PHKB: variants seen among roughly 807,000 people sequenced by gnomAD.
PHKB encodes phosphorylase kinase regulatory subunit beta.
Under a neutral mutation model 152.1 loss-of-function variants are expected in PHKB, and 122 were observed. That is an observed-to-expected ratio of 0.80 (90% CI 0.69 to 0.93). PHKB has a LOEUF of 0.93. PHKB is among the 40% of genes least tolerant of loss of function. PHKB has a pLI of 0.00. For missense variants in PHKB, 1,304 were observed against 1,328.4 expected, an observed-to-expected ratio of 0.98 and a Z score of 0.29; for synonymous variants, 436 against 464.9, an observed-to-expected ratio of 0.94 and a Z score of 0.80.
chr16:47,492,262 C>T (rs994660375), intron 1 of PHKB, among the ~76,000 whole-genome samples: 26 of 152,146 alleles, frequency 1.7e-4, no homozygotes, highest in Non-Finnish European at 3.2e-4. Flanking sequence ...GGACAAAGTA[C>T]ACTAGATTGG....
At chr16:47,586,536 A>G (rs1971938327) in intron 8 of PHKB, among the ~76,000 whole-genome samples, 1 of 152,204 alleles carries the variant, frequency 6.6e-6, no homozygotes, top group Non-Finnish European at 1.5e-5. Context: ...AACATGGGCT[A>G]CTAGGAAAAA....
intron 14 of PHKB, among the ~76,000 whole-genome samples, chr16:47,614,771 G>A (rs1052281998): frequency 1.3e-5 from 2 of 152,180 alleles, no homozygotes; most frequent in African/African-American, 4.8e-5. Context: ...GATTAAAGAA[G>A]TTCATGGGAT....
intron 14 of PHKB, among the ~76,000 whole-genome samples, chr16:47,631,017 T>A (rs536930881): frequency 1.3e-5 from 2 of 152,252 alleles, no homozygotes; most frequent in South Asian, 4.2e-4. Flanking sequence ...GGACTCAGAC[T>A]GAAACTAAAC....
rs144335940 is a variant in PHKB, at chr16:47,516,837, A to T, written c.594+1236A>T. Among the ~76,000 whole-genome samples the T allele has an allele frequency of 3.2e-3, 484 of 152,270 alleles. 3 individuals are homozygous for T. Among genetic ancestry groups the T allele is most frequent in the African/African-American group, 0.011 (467 of 41,554 alleles). On this transcript the variant is annotated intron_variant, in intron 6 of 30. Coordinates refer to ENST00000323584, the MANE Select transcript of PHKB (RefSeq NM_000293.3). ...TACCCAGTATGGTTTCTTCTATTTG[A>T]TTTGTCAAAGAATTCTATGGTTTCA...
intron 14 of PHKB, among the ~76,000 whole-genome samples, chr16:47,621,287 G>T (rs1392116973): frequency 6.6e-6 from 1 of 152,126 alleles, no homozygotes; most frequent in African/African-American, 2.4e-5. Context: ...TTATATGGTG[G>T]AAGACCATCT....
intron 7 of PHKB, among the ~76,000 whole-genome samples, chr16:47,557,696 A>G (rs1971401164): frequency 6.6e-6 from 1 of 152,204 alleles, no homozygotes; most frequent in Non-Finnish European, 1.5e-5. Flanking sequence ...ACCATCTCAC[A>G]CCAGTTAGAA....
chr16:47,637,210 A>G (rs1303820587), intron 14 of PHKB, among the ~76,000 whole-genome samples: 3 of 152,164 alleles, frequency 2.0e-5, no homozygotes, highest in Admixed American at 6.5e-5. Context: ...CCTGGGAGCT[A>G]TTATGTCACT....
chr16:47,523,789 G>A (rs1304916099), intron 6 of PHKB, among the ~76,000 whole-genome samples: 2 of 152,146 alleles, frequency 1.3e-5, no homozygotes, highest in African/African-American at 4.8e-5. Context: ...TAGAAAAAAG[G>A]CCATTTGCAT....
In PHKB at chr16:47,518,014, T is replaced by C. The variant is rs1970626216; in HGVS notation, c.594+2413T>C. 2.0e-5 allele frequency among the ~76,000 whole-genome samples: 3 copies of C among 152,204 alleles called. No individual in the cohort carries two copies. In the South Asian group the frequency reaches 6.2e-4, roughly 31 times the overall value. ...TTTTTATCTAAAGATCTCAGAGGAT[T>C]CAATTCTTTGAAAAGTGGTATGACT... On this transcript the variant is annotated intron_variant, in intron 6 of 30. Coordinates refer to ENST00000323584, the MANE Select transcript of PHKB (RefSeq NM_000293.3).
intron 4 of PHKB, among the ~76,000 whole-genome samples, chr16:47,507,555 A>G (rs1227670333): frequency 2.7e-5 from 4 of 147,598 alleles, no homozygotes. Context: ...ACAGGGTCTC[A>G]CTATATTGCC....
chr16:47,489,092 C>T (rs998511620), intron 1 of PHKB, among the ~76,000 whole-genome samples: 8 of 152,128 alleles, frequency 5.3e-5, no homozygotes, highest in East Asian at 3.9e-4. Flanking sequence ...CTTGCTCTGC[C>T]GCCCAGGCTG....
intron 11 of PHKB, 115 bp downstream of exon 11, chr16:47,593,672 A>G (rs1972070335): frequency 5.6e-6 from 4 of 718,462 alleles, no homozygotes; most frequent in South Asian, 3.0e-5. Flanking sequence ...AGCTAGAAAA[A>G]TAGACTGCGC....
Position 47,689,186 on chromosome 16 carries a change from C to G in PHKB, c.2765+11C>G, listed in dbSNP as rs2142102234. ...TCAACAGAATGGAAGGTAATAAGGG[C>G]CCCTTGTTACCTACATGATACTCTG... On this transcript the variant is annotated intron_variant, in intron 27 of 30. Coordinates refer to ENST00000323584, the MANE Select transcript of PHKB (RefSeq NM_000293.3). The G allele has an allele frequency of 6.2e-7, 1 of 1,610,424 alleles. No homozygotes were observed. The highest frequency in any genetic ancestry group is 8.5e-7 in the Non-Finnish European group (1 of 1,176,810).
At chr16:47,639,007 G>GCTCA (rs1454184441) in intron 14 of PHKB, among the ~76,000 whole-genome samples, 9 of 152,086 alleles carry the variant, frequency 5.9e-5, no homozygotes, top group Non-Finnish European at 7.4e-5. Flanking sequence ...GGATGCAGTG[G>GCTCA]CTCACACCTG....
In PHKB at chr16:47,641,623, TG is replaced by T; in HGVS notation, c.1541del (p.Gly514ValfsTer10). On this transcript the variant is annotated frameshift_variant, in exon 16 of 31. Coordinates refer to ENST00000323584, the MANE Select transcript of PHKB (RefSeq NM_000293.3). LOFTEE classifies it high-confidence loss of function. ...QRLQVFLNTYGIQTQTPQQVE... is the reference protein window; with the variant it reads ...QRLQVFLNTYXIQTQTPQQVE... ...GACTTCAAGTTTTTCTGAACACATA[TG>T]GTATTCAAACTCAAACTCCTCAACA... 6.3e-7 allele frequency: 1 copy of T among 1,595,086 alleles called. No individual in the cohort carries two copies. The highest frequency in any genetic ancestry group is 8.6e-7 in the Non-Finnish European group (1 of 1,162,546).
intron 20 of PHKB, among the ~76,000 whole-genome samples, chr16:47,654,667 C>T (rs1347683630): frequency 6.6e-6 from 1 of 152,018 alleles, no homozygotes; most frequent in African/African-American, 2.4e-5. Flanking sequence ...ATGGATGAAG[C>T]TGGAAACCAT....
At chr16:47,572,244 A>C (rs1377841021) in intron 7 of PHKB, among the ~76,000 whole-genome samples, 1 of 152,164 alleles carries the variant, frequency 6.6e-6, no homozygotes, top group Non-Finnish European at 1.5e-5. Flanking sequence ...GCTCTCCTTG[A>C]GTTTGGATAC....
At chr16:47,536,419 A>G (rs750339391) in intron 6 of PHKB, among the ~76,000 whole-genome samples, 2 of 152,162 alleles carry the variant, frequency 1.3e-5, no homozygotes, top group South Asian at 2.1e-4. Context: ...ACTAAATCAT[A>G]GTATTATTTG....
intron 6 of PHKB, among the ~76,000 whole-genome samples, chr16:47,517,884 CAT>C (rs1193111326): frequency 3.3e-5 from 5 of 152,116 alleles, no homozygotes; most frequent in Non-Finnish European, 7.3e-5. Context: ...AGTAATAAAA[CAT>C]GTCATTTCCG....
Sources: allele counts gnomAD v4.1 joint callset (sites outside exome capture counted in the v4.1 genomes callset), GRCh38; gene constraint gnomAD v4.1.1; transcripts MANE v1.5; gene names NCBI Gene and HGNC (gene_info 2026-07-23, HGNC 2026-07-21).